PRKCA: variants seen among roughly 807,000 people sequenced by gnomAD.
PRKCA encodes protein kinase C alpha.
A neutral mutation model predicts 87.0 loss-of-function variants in PRKCA; 27 were observed. That is an observed-to-expected ratio of 0.31 (90% CI 0.23 to 0.43). The LOEUF (loss-of-function observed/expected upper bound fraction) is 0.43, where lower values mean the gene tolerates loss of function less well. PRKCA is among the 20% of genes least tolerant of loss of function. PRKCA has a pLI of 1.00. For synonymous variants in PRKCA, 329 were observed against 311.1 expected, an observed-to-expected ratio of 1.06 and a Z score of -0.61; for missense variants, 518 against 852.3, an observed-to-expected ratio of 0.61 and a Z score of 4.88.
intron 13 of PRKCA, among the ~76,000 whole-genome samples, chr17:66,765,416 G>GTGTATATA (rs1276368624): frequency 2.2e-3 from 36 of 16,034 alleles, no homozygotes; most frequent in African/African-American, 7.0e-3. Flanking sequence ...GCAAGACTTT[G>GTGTATATA]TCTATATATA....
At chr17:66,507,854 A>T (rs1230704959) in intron 3 of PRKCA, among the ~76,000 whole-genome samples, 7 of 152,166 alleles carry the variant, frequency 4.6e-5, no homozygotes, top group African/African-American at 1.4e-4. Context: ...GTTAGCTGGT[A>T]CCTTCCTCAC....
At chr17:66,532,526 CGACT>C (rs1427666904) in intron 3 of PRKCA, among the ~76,000 whole-genome samples, 1 of 151,722 alleles carries the variant, frequency 6.6e-6, no homozygotes, top group Non-Finnish European at 1.5e-5. Flanking sequence ...CCACCATGCC[CGACT>C]AATTTTTGTA....
At chr17:66,679,541 C>T (rs1444514132) in intron 5 of PRKCA, among the ~76,000 whole-genome samples, 2 of 152,202 alleles carry the variant, frequency 1.3e-5, no homozygotes, top group Non-Finnish European at 2.9e-5. Flanking sequence ...TTCAAGGCAC[C>T]AAAGCACAGA....
At chr17:66,539,329 A>G (rs1967898529) in intron 3 of PRKCA, among the ~76,000 whole-genome samples, 1 of 152,082 alleles carries the variant, frequency 6.6e-6, no homozygotes, top group Non-Finnish European at 1.5e-5. Context: ...ATACTTTTCT[A>G]ATTTGTGAGT....
intron 8 of PRKCA, among the ~76,000 whole-genome samples, chr17:66,726,214 G>A (rs566116598): frequency 2.6e-4 from 40 of 151,446 alleles, no homozygotes; most frequent in Non-Finnish European, 4.3e-4. Context: ...TCAGGTGTTC[G>A]CAGGTGTGCA....
At chr17:66,334,320 C>G (rs1244115952) in intron 2 of PRKCA, among the ~76,000 whole-genome samples, 20 of 152,098 alleles carry the variant, frequency 1.3e-4, no homozygotes, top group Non-Finnish European at 2.9e-5. Context: ...TACACATGAT[C>G]AAGTCATCTC....
intron 13 of PRKCA, among the ~76,000 whole-genome samples, chr17:66,749,626 G>A (rs1487859004): frequency 1.3e-5 from 2 of 152,216 alleles, no homozygotes; most frequent in Non-Finnish European, 2.9e-5. Flanking sequence ...TTCATCTGGT[G>A]TTGGCTGCTG....
chr17:66,313,109 G>A (rs897536869), intron 2 of PRKCA, among the ~76,000 whole-genome samples: 38 of 152,200 alleles, frequency 2.5e-4, no homozygotes, highest in African/African-American at 9.2e-4. Context: ...TTGAGTGCGA[G>A]GACTGAGTCT....
intron 3 of PRKCA, among the ~76,000 whole-genome samples, chr17:66,621,760 G>A (rs757681367): frequency 7.2e-5 from 11 of 152,152 alleles, no homozygotes; most frequent in South Asian, 2.1e-4. Flanking sequence ...AGGTGCATAC[G>A]TCCCAGGTGT....
At chr17:66,477,349 C>T (rs3888659) in intron 2 of PRKCA, among the ~76,000 whole-genome samples, 22,665 of 152,132 alleles carry the variant, frequency 0.15, 1,974 homozygotes, top group East Asian at 0.29. Flanking sequence ...AACAAGCCTA[C>T]CCAAGGGTTA....
At chr17:66,305,346 G>A (rs2143100957) in intron 1 of PRKCA, among the ~76,000 whole-genome samples, 1 of 152,294 alleles carries the variant, frequency 6.6e-6, no homozygotes, top group Admixed American at 6.5e-5. Context: ...TCTATGTGAA[G>A]CAAGAGATTA....
At chr17:66,446,656 G>C (rs1350125979) in intron 2 of PRKCA, among the ~76,000 whole-genome samples, 1 of 152,080 alleles carries the variant, frequency 6.6e-6, no homozygotes, top group Non-Finnish European at 1.5e-5. Context: ...TGATGAGAGG[G>C]GCCTGCACAC....
At chr17:66,685,513 C>T (rs1972602234) in intron 5 of PRKCA, among the ~76,000 whole-genome samples, 1 of 152,200 alleles carries the variant, frequency 6.6e-6, no homozygotes, top group Admixed American at 6.5e-5. Context: ...GGCTAGCAGA[C>T]CTGAGCTAGC....
chr17:66,330,312 G>A (rs1189594123), intron 2 of PRKCA, among the ~76,000 whole-genome samples: 2 of 151,836 alleles, frequency 1.3e-5, no homozygotes, highest in South Asian at 2.1e-4. Flanking sequence ...TCGCCATCTC[G>A]GCTAGGTTGG....
In PRKCA at chr17:66,628,335, G is replaced by C. The variant is rs140988584; in HGVS notation, c.289-13020G>C. Among the ~76,000 whole-genome samples, 760 of 152,168 alleles carry C rather than the reference G, an allele frequency of 5.0e-3. 9 individuals are homozygous for C. The highest frequency in any genetic ancestry group is 0.015 in the African/African-American group (634 of 41,516). ...ATAACAGTGAAAAACAAAATCACCTGAATGTTTAGGAATTGGGGGTTGATT... is the reference window on the plus strand; with the variant it reads ...ATAACAGTGAAAAACAAAATCACCTCAATGTTTAGGAATTGGGGGTTGATT... On this transcript the variant is annotated intron_variant, in intron 3 of 16. Coordinates refer to ENST00000413366, the MANE Select transcript of PRKCA (RefSeq NM_002737.3).
intron 3 of PRKCA, among the ~76,000 whole-genome samples, chr17:66,622,418 C>T (rs1273069182): frequency 6.6e-6 from 1 of 152,196 alleles, no homozygotes; most frequent in Non-Finnish European, 1.5e-5. Context: ...CCAGATGGCT[C>T]ACTTCTTTTC....
At chr17:66,539,729 T>G (rs1598751284) in intron 3 of PRKCA, among the ~76,000 whole-genome samples, 1 of 152,158 alleles carries the variant, frequency 6.6e-6, no homozygotes, top group East Asian at 1.9e-4. Flanking sequence ...TAAGAATGGC[T>G]AACTTTTAGA....
At chr17:66,304,811 G>T (rs1313807326) in intron 1 of PRKCA, among the ~76,000 whole-genome samples, 1 of 152,166 alleles carries the variant, frequency 6.6e-6, no homozygotes, top group Non-Finnish European at 1.5e-5. Flanking sequence ...GTAGGTAGTC[G>T]TAGATAAGGC....
At chr17:66,314,873 A>ATGTG (rs1389773053) in intron 2 of PRKCA, among the ~76,000 whole-genome samples, 12 of 108,790 alleles carry the variant, frequency 1.1e-4, no homozygotes, top group Middle Eastern at 4.3e-3. Flanking sequence ...AGATATATAT[A>ATGTG]TATGTGTGTG....
Sources: gnomAD v4.1 joint callset for allele counts (sites outside exome capture counted in the v4.1 genomes callset) on GRCh38, gnomAD v4.1.1 for gene constraint, MANE v1.5 for transcripts, NCBI Gene and HGNC (gene_info 2026-07-23, HGNC 2026-07-21) for gene names.